The following MACROD2 variants were observed in gnomAD, a reference collection of about 807,000 sequenced individuals.
MACROD2 encodes ADP-ribose glycohydrolase MACROD2.
In MACROD2, 36 loss-of-function variants were observed where a neutral mutation model predicts 70.4. The ratio of observed to expected loss-of-function variants is 0.51; its 90% CI spans 0.39 to 0.68. The LOEUF (loss-of-function observed/expected upper bound fraction) is 0.68. Among genes scored for constraint, MACROD2 ranks in the 30% least tolerant of loss-of-function variants. MACROD2 has a pLI of 0.00. For missense variants in MACROD2, 496 were observed against 538.4 expected, an observed-to-expected ratio of 0.92 and a Z score of 0.78; for synonymous variants, 172 against 178.8, an observed-to-expected ratio of 0.96 and a Z score of 0.30.
intron 5 of MACROD2, among the ~76,000 whole-genome samples, chr20:14,993,654 AT>A (rs1407344139): frequency 6.6e-6 from 1 of 152,206 alleles, no homozygotes; most frequent in Non-Finnish European, 1.5e-5. Context: ...AAGAAAAAAA[AT>A]CTGAAGTAAT....
chr20:15,950,545 G>T (rs1015285996), intron 12 of MACROD2, among the ~76,000 whole-genome samples: 4 of 152,096 alleles, frequency 2.6e-5, no homozygotes, highest in Non-Finnish European at 5.9e-5. Context: ...CAAAGAGGTG[G>T]CTCTACTGAA....
intron 4 of MACROD2, among the ~76,000 whole-genome samples, chr20:14,660,697 G>A (rs1285305430): frequency 1.3e-5 from 2 of 151,890 alleles, no homozygotes; most frequent in South Asian, 2.1e-4. Flanking sequence ...ACCAGCCCTC[G>A]ATTTCTCCCT....
chr20:15,214,795 G>C (rs867283018), intron 5 of MACROD2, among the ~76,000 whole-genome samples: 5 of 152,128 alleles, frequency 3.3e-5, no homozygotes, highest in Non-Finnish European at 5.9e-5. Context: ...GAGATAAGCA[G>C]TAAGACTGTT....
At chr20:14,136,084 C>G (rs2054792760) in intron 3 of MACROD2, among the ~76,000 whole-genome samples, 1 of 152,040 alleles carries the variant, frequency 6.6e-6, no homozygotes, top group Non-Finnish European at 1.5e-5. Flanking sequence ...TTAGAAAATT[C>G]TAAGGATTAT....
At chr20:15,922,592 C>A (rs1401603881) in intron 10 of MACROD2, among the ~76,000 whole-genome samples, 1 of 152,188 alleles carries the variant, frequency 6.6e-6, no homozygotes, top group Non-Finnish European at 1.5e-5. Flanking sequence ...AGACTGAGAC[C>A]TCAAAAAATA....
intron 5 of MACROD2, among the ~76,000 whole-genome samples, chr20:14,953,640 T>C (rs1339539897): frequency 1.3e-5 from 2 of 152,038 alleles, no homozygotes; most frequent in African/African-American, 4.8e-5. Context: ...AAATAGAGAG[T>C]GCTCTGACCC....
chr20:14,029,680 A>G (rs914295338), intron 2 of MACROD2, among the ~76,000 whole-genome samples: 2 of 152,238 alleles, frequency 1.3e-5, no homozygotes, highest in Admixed American at 1.3e-4. Context: ...GAGGTTCTAG[A>G]TACAAATCAC....
chr20:14,928,751 T>C (rs2074263785), intron 5 of MACROD2, among the ~76,000 whole-genome samples: 1 of 152,174 alleles, frequency 6.6e-6, no homozygotes, highest in Admixed American at 6.5e-5. Flanking sequence ...TCATATAATA[T>C]GGGTTACATT....
chr20:14,162,623 T>G (rs572262279), intron 3 of MACROD2, among the ~76,000 whole-genome samples: 31 of 151,684 alleles, frequency 2.0e-4, no homozygotes, highest in African/African-American at 7.5e-4. Context: ...AATGATGACC[T>G]TTTTTTTTCT....
At chr20:15,564,493 C>T (rs934033282) in intron 8 of MACROD2, among the ~76,000 whole-genome samples, 5 of 151,996 alleles carry the variant, frequency 3.3e-5, no homozygotes, top group Non-Finnish European at 1.5e-5. Flanking sequence ...TTTATTGTAC[C>T]TCTGACATTA....
intron 2 of MACROD2, among the ~76,000 whole-genome samples, chr20:14,077,832 A>C (rs1244887983): frequency 1.3e-5 from 2 of 152,066 alleles, no homozygotes; most frequent in Non-Finnish European, 2.9e-5. Flanking sequence ...TATTTCTGTT[A>C]AAGCAACAAA....
chr20:15,015,891 T>C (rs1291538160), intron 5 of MACROD2, among the ~76,000 whole-genome samples: 1 of 152,218 alleles, frequency 6.6e-6, no homozygotes, highest in African/African-American at 2.4e-5. Context: ...TAGGCCTATG[T>C]TGAGTTGAAG....
chr20:14,960,039 T>A (rs2122764158), intron 5 of MACROD2, among the ~76,000 whole-genome samples: 1 of 152,276 alleles, frequency 6.6e-6, no homozygotes, highest in Admixed American at 6.5e-5. Context: ...CCTGTACAAA[T>A]TCTCTTCCCA....
intron 8 of MACROD2, among the ~76,000 whole-genome samples, chr20:15,656,404 A>G (rs2049731400): frequency 1.3e-5 from 2 of 152,214 alleles, no homozygotes; most frequent in African/African-American, 4.8e-5. Flanking sequence ...AGGAATGGCT[A>G]TCTTTCTTGC....
At chr20:15,067,331 A>T (rs886691660) in intron 5 of MACROD2, among the ~76,000 whole-genome samples, 1 of 151,910 alleles carries the variant, frequency 6.6e-6, no homozygotes, top group Non-Finnish European at 1.5e-5. Flanking sequence ...TATTGTTTGT[A>T]TTTTGTTTTG....
At chr20:14,321,364 C>CAAA (rs11475232) in intron 3 of MACROD2, among the ~76,000 whole-genome samples, 2 of 148,892 alleles carry the variant, frequency 1.3e-5, no homozygotes. Context: ...TACTCCATCT[C>CAAA]AAAAAAAAAA....
At chr20:15,499,726 T>C (rs1186666320) in intron 7 of MACROD2, 48 bp from the exon 8 acceptor site, 2 of 1,568,350 alleles carry the variant, frequency 1.3e-6, no homozygotes, top group East Asian at 4.5e-5. Flanking sequence ...GCCTCCCTTT[T>C]GCCTTCATCT....
chr20:15,648,868 T>C (rs1250128070), intron 8 of MACROD2, among the ~76,000 whole-genome samples: 1 of 152,150 alleles, frequency 6.6e-6, no homozygotes, highest in Non-Finnish European at 1.5e-5. Context: ...TGTCTAAATT[T>C]ATCCTATCTG....
chr20:14,097,496 C>T (rs2054244199), intron 3 of MACROD2, among the ~76,000 whole-genome samples: 1 of 152,174 alleles, frequency 6.6e-6, no homozygotes. Flanking sequence ...TTTATTTTAG[C>T]TCTTCCTACC....
Sources: gnomAD v4.1 joint callset for allele counts (sites outside exome capture counted in the v4.1 genomes callset) on GRCh38, gnomAD v4.1.1 for gene constraint, MANE v1.5 for transcripts, NCBI Gene and HGNC (gene_info 2026-07-23, HGNC 2026-07-21) for gene names.